The following SYNPO variants were observed in gnomAD, a reference collection of about 807,000 sequenced individuals.
SYNPO encodes the protein synaptopodin.
Under a neutral mutation model 49.5 loss-of-function variants are expected in SYNPO, and 19 were observed. The observed-to-expected ratio is 0.38, with a 90% CI of 0.27 to 0.56. The LOEUF (loss-of-function observed/expected upper bound fraction) is 0.56, where lower values mean the gene tolerates loss of function less well. SYNPO is among the 20% of genes least tolerant of loss of function. The pLI is 0.68. For synonymous variants in SYNPO, 536 were observed against 548.0 expected, an observed-to-expected ratio of 0.98 and a Z score of 0.31; for missense variants, 1,131 against 1,248.3, an observed-to-expected ratio of 0.91 and a Z score of 1.42.
intron 1 of SYNPO, chr5:150,615,065 G>A (rs757804287): frequency 6.6e-6 from 1 of 152,266 alleles, no homozygotes; most frequent in Admixed American, 6.5e-5. Context: ...CACCTAGCAG[G>A]TGCTCAGTTA....
intron 2 of SYNPO, among the ~76,000 whole-genome samples, chr5:150,654,699 C>T (rs975595062): frequency 3.3e-5 from 5 of 152,154 alleles, no homozygotes; most frequent in South Asian, 2.1e-4. Context: ...AGGAATGGCC[C>T]GACTTCCTTT....
In SYNPO at chr5:150,649,291, C is replaced by T. The variant is rs1362098933; in HGVS notation, c.1016C>T (p.Ser339Leu). The T allele has an allele frequency of 6.2e-7, 1 of 1,614,226 alleles. No individual in the cohort carries two copies. Among genetic ancestry groups the T allele is most frequent in the African/African-American group, 1.3e-5 (1 of 75,054 alleles). The change falls in exon 2 of 3, where the codon TCA becomes TTA. Residue 339 changes from serine (S) to leucine (L), a missense_variant. Ser to Leu is a moderately radical substitution (Grantham distance 145, BLOSUM62 -2). Coordinates refer to ENST00000307662, the MANE Select transcript of SYNPO (RefSeq NM_007286.6). ...PLASWVRSPPSYSVLYPSSDP... is the reference protein window; with the variant it reads ...PLASWVRSPPLYSVLYPSSDP... ...GCTTCCTGGGTGAGGTCTCCTCCCTCATATTCTGTCCTGTATCCCAGCTCC... is the reference window on the plus strand; with the variant it reads ...GCTTCCTGGGTGAGGTCTCCTCCCTTATATTCTGTCCTGTATCCCAGCTCC...
intron 1 of SYNPO, among the ~76,000 whole-genome samples, chr5:150,608,156 G>A (rs1756745491): frequency 6.6e-6 from 1 of 152,236 alleles, no homozygotes; most frequent in Non-Finnish European, 1.5e-5. Flanking sequence ...TGTTGGTGGT[G>A]GTCCAGGAAG....
At chr5:150,630,987 G>A (rs1757517836) in intron 2 of SYNPO, among the ~76,000 whole-genome samples, 1 of 152,166 alleles carries the variant, frequency 6.6e-6, no homozygotes, top group African/African-American at 2.4e-5. Flanking sequence ...ACCTGCAGTG[G>A]CCACTCAGCT....
chr5:150,605,759 TACACAC>T (rs34727103), intron 1 of SYNPO, among the ~76,000 whole-genome samples: 41 of 142,244 alleles, frequency 2.9e-4, no homozygotes, highest in African/African-American at 8.8e-4. Flanking sequence ...CACACACACA[TACACAC>T]ACACACACAC....
At chr5:150,644,839 T>G (rs1581503637) in intron 1 of SYNPO, among the ~76,000 whole-genome samples, 1 of 152,156 alleles carries the variant, frequency 6.6e-6, no homozygotes, top group African/African-American at 2.4e-5. Flanking sequence ...AGATGGCTAA[T>G]AGACATCTTT....
At chr5:150,606,811 G>A (rs1409136613) in intron 1 of SYNPO, among the ~76,000 whole-genome samples, 1 of 152,282 alleles carries the variant, frequency 6.6e-6, no homozygotes, top group South Asian at 2.1e-4. Context: ...TAGGCTGAGC[G>A]CCCCTCAGCC....
chr5:150,648,751 A>G lies in SYNPO; in HGVS notation c.476A>G (p.Lys159Arg). The G allele has an allele frequency of 6.2e-7, 1 of 1,614,196 alleles. No individual in the cohort carries two copies. The part of the protein sequence containing the change: ...EVRCSTLLID[K>R]VSTPATTTST... ...AGATGCAGCACACTCCTAATTGACA[A>G]GGTATCAACTCCAGCTACCACCACC... The change falls in exon 2 of 3, where the codon AAG (lysine) becomes AGG (arginine). Residue 159 changes from lysine (K) to arginine (R), a missense_variant. By Grantham distance (26) the Lys-to-Arg change is conservative. Around this residue, in one of 4 missense-constraint regions of SYNPO, gnomAD observed 602 missense variants for 720.7 expected, o/e 0.84. Transcript: ENST00000307662. The surrounding 1 kb of genome is among the most constrained non-coding windows in gnomAD (Gnocchi z 5.0).
chr5:150,638,412 A>G (rs980363942), upstream of SYNPO, among the ~76,000 whole-genome samples: 2 of 152,242 alleles, frequency 1.3e-5, no homozygotes, highest in Admixed American at 1.3e-4. Context: ...TTGATCTAGA[A>G]TCTAGATGAA....
chr5:150,650,909 G>C (rs968784846), intron 2 of SYNPO: 32 of 1,256,152 alleles, frequency 2.5e-5, no homozygotes, highest in Non-Finnish European at 3.0e-5. Context: ...GCTTCAGAGA[G>C]CTTTGCCTCG....
chr5:150,595,720 C>T, the SYNPO span, among the ~76,000 whole-genome samples: 2 of 152,222 alleles, frequency 1.3e-5, no homozygotes, highest in South Asian at 2.1e-4. Context: ...CGCGATAAGG[C>T]GCCTAGACAT....
At chr5:150,625,024 T>A in intron 2 of SYNPO, 15 of 960,494 alleles carry the variant, frequency 1.6e-5, no homozygotes, top group Non-Finnish European at 1.9e-5. Context: ...GCTCCAGTCC[T>A]CGCACGCGGG....
chr5:150,606,203 A>G (rs948730965), intron 1 of SYNPO, among the ~76,000 whole-genome samples: 28 of 152,196 alleles, frequency 1.8e-4, no homozygotes, highest in Admixed American at 9.2e-4. Flanking sequence ...GCACACAGAC[A>G]CACAGCAGAA....
In SYNPO at chr5:150,647,758, A is replaced by G. The variant is rs150252915; in HGVS notation, c.-332-186A>G. On this transcript the variant is annotated intron_variant, in intron 1 of 2. Transcript: ENST00000307662. ...GACGTGGTGGCATTTGAGTTGGGCC[A>G]TGAAAGGTAGGTCAGGGCTGATTAC... Among the ~76,000 whole-genome samples the G allele has an allele frequency of 2.6e-4, 39 of 152,320 alleles. No homozygotes were observed. The East Asian group carries it at 6.9e-3, about 27-fold the overall frequency.
At chr5:150,644,916 G>GAT (rs1227191480) in intron 1 of SYNPO, among the ~76,000 whole-genome samples, 2 of 152,176 alleles carry the variant, frequency 1.3e-5, no homozygotes, top group Non-Finnish European at 2.9e-5. Context: ...GGGTGGGTGG[G>GAT]ATAGGCTGTG....
exon 2 of SYNPO, chr5:150,618,632 A>C: frequency 1.3e-6 from 2 of 1,551,344 alleles, no homozygotes; most frequent in Non-Finnish European, 1.7e-6. Context: ...CCAACCACCC[A>C]GCTGCTCCAG....
chr5:150,654,684 T>C (rs1416580694), intron 2 of SYNPO, among the ~76,000 whole-genome samples: 2 of 152,148 alleles, frequency 1.3e-5, no homozygotes, highest in South Asian at 2.1e-4. Flanking sequence ...GTGTGCTGCC[T>C]AGGGAGGAAT....
At chr5:150,627,337 T>C (rs721024) in intron 2 of SYNPO, among the ~76,000 whole-genome samples, 12,173 of 152,150 alleles carry the variant, frequency 0.08, 1,098 homozygotes, top group East Asian at 0.26. Context: ...AGGGTGGAGA[T>C]GGGCCAAGTG....
At chr5:150,595,852 A>G in the SYNPO span, among the ~76,000 whole-genome samples, 1 of 34,232 alleles carries the variant, frequency 2.9e-5, no homozygotes, top group Non-Finnish European at 5.3e-5. Context: ...CATGCCCCCC[A>G]CCCCCCCAGC....
Sources: allele counts gnomAD v4.1 joint callset (sites outside exome capture counted in the v4.1 genomes callset), GRCh38; gene constraint gnomAD v4.1.1; regional missense constraint gnomAD v4.1.1; non-coding constraint Gnocchi (gnomAD v3.1); transcripts MANE v1.5; gene names NCBI Gene and HGNC (gene_info 2026-07-23, HGNC 2026-07-21).